The following ANKRD11 variants were observed in gnomAD, a reference collection of about 807,000 sequenced individuals.
ANKRD11 encodes the protein ankyrin repeat domain 11.
A neutral mutation model predicts 195.7 loss-of-function variants in ANKRD11; 17 were observed. That is an observed-to-expected ratio of 0.09 (90% confidence interval 0.06 to 0.13). ANKRD11 has a LOEUF of 0.13. Among genes scored for constraint, ANKRD11 ranks in the 10% least tolerant of loss-of-function variants. ANKRD11 has a pLI of 1.00. For synonymous variants in ANKRD11, 1,953 were observed against 1,528.1 expected (o/e 1.28, Z -6.49); for missense variants, 3,735 against 3,566.1 (o/e 1.05, Z -1.21).
At chr16:89,388,456 G>A (rs2041025871) in intron 2 of ANKRD11, among the ~76,000 whole-genome samples, 2 of 151,968 alleles carry the variant, frequency 1.3e-5, no homozygotes, top group South Asian at 2.1e-4. Context: ...TTAATGTCTT[G>A]AAAATCGACA....
intron 1 of ANKRD11, among the ~76,000 whole-genome samples, chr16:89,488,270 T>A (rs1017989454): frequency 6.6e-5 from 10 of 152,106 alleles, no homozygotes; most frequent in African/African-American, 2.2e-4. Flanking sequence ...TTGGTCTTTG[T>A]TCCCTCCCAT....
At chr16:89,474,150 A>G (rs1345618715) in intron 1 of ANKRD11, among the ~76,000 whole-genome samples, 6 of 152,178 alleles carry the variant, frequency 3.9e-5, no homozygotes. Flanking sequence ...GCTCAAAAGC[A>G]CACCATCCCC....
chr16:89,309,490 GT>G (rs1157835725), intron 3 of ANKRD11, among the ~76,000 whole-genome samples: 1 of 152,346 alleles, frequency 6.6e-6, no homozygotes, highest in East Asian at 1.9e-4. Flanking sequence ...TCTATCTATA[GT>G]TCACTTTAAA....
intron 2 of ANKRD11, chr16:89,323,098 G>C (rs2037435991): frequency 3.2e-6 from 1 of 316,518 alleles, no homozygotes; most frequent in African/African-American, 2.3e-5. Flanking sequence ...GCCTTTTCCA[G>C]CTGAGCCCTG....
rs768122420 is a variant in ANKRD11, at chr16:89,280,411, A to G, written c.6131T>C (p.Val2044Ala). 3.2e-6 allele frequency: 5 copies of G among 1,560,300 alleles called. No individual in the cohort carries two copies. In the East Asian group the frequency reaches 9.1e-5, roughly 28 times the overall value. Residue 2044 changes from valine to alanine, a missense_variant, in exon 9 of 13, where the codon GTC becomes GCC. Transcript: ENST00000301030. ...LEDVKDGVDA[V>A]PAAISTSEAA... is the part of the protein sequence containing the mutation. ...CTCTGAGGTGGAGATGGCGGCGGGG[A>G]CGGCGTCCACTCCGTCCTTGACGTC...
At chr16:89,369,350 T>C (rs1348208348) in intron 2 of ANKRD11, among the ~76,000 whole-genome samples, 1 of 152,076 alleles carries the variant, frequency 6.6e-6, no homozygotes, top group East Asian at 1.9e-4. Context: ...ACCATTCAGG[T>C]GTCCATCAGC....
At chr16:89,278,549 A>T (rs1333720248) in intron 9 of ANKRD11, 1 of 456,864 alleles carries the variant, frequency 2.2e-6, no homozygotes, top group South Asian at 1.5e-5. Flanking sequence ...GAACAAGGTG[A>T]GGCTGGGGGC....
intron 1 of ANKRD11, among the ~76,000 whole-genome samples, chr16:89,443,982 A>G (rs1423981247): frequency 6.6e-6 from 1 of 152,216 alleles, no homozygotes; most frequent in African/African-American, 2.4e-5. Context: ...GTCAGGCTGA[A>G]CAGGGAGGCA....
At chr16:89,292,088 C>G (rs1312142984) in intron 4 of ANKRD11, among the ~76,000 whole-genome samples, 5 of 152,168 alleles carry the variant, frequency 3.3e-5, no homozygotes, top group South Asian at 2.1e-4. Context: ...CCTGCGGGTT[C>G]TGGGGTTTTC....
chr16:89,478,662 C>T (rs1282338998), intron 1 of ANKRD11, among the ~76,000 whole-genome samples: 1 of 152,250 alleles, frequency 6.6e-6, no homozygotes, highest in East Asian at 1.9e-4. Flanking sequence ...CTCCAGCAGC[C>T]GGCTACGCGC....
rs962281860 is a variant in ANKRD11 at position 89,328,591 on chromosome 16, G to A, written c.-59-11513C>T. Among the ~76,000 whole-genome samples, 9 of 151,902 alleles carry A rather than the reference G, an allele frequency of 5.9e-5. No individual in the cohort carries two copies. In the South Asian group the frequency reaches 1.9e-3, roughly 32 times the overall value. ...AGTGAGTGGACACACCCAGGCGTACGGGTGAATCTGCAGAGGCCCCTGCTG... is the reference window on the plus strand; with the variant it reads ...AGTGAGTGGACACACCCAGGCGTACAGGTGAATCTGCAGAGGCCCCTGCTG... On this transcript the variant is annotated intron_variant, in intron 2 of 12. Transcript: ENST00000301030.
At chr16:89,380,288 T>C (rs2040589222) in intron 2 of ANKRD11, among the ~76,000 whole-genome samples, 1 of 152,136 alleles carries the variant, frequency 6.6e-6, no homozygotes, top group Non-Finnish European at 1.5e-5. Context: ...AATTCTGTAT[T>C]TTTAGTAGAG....
At chr16:89,334,169 A>AAAAAAC (rs2038221625) in intron 2 of ANKRD11, among the ~76,000 whole-genome samples, 1 of 107,292 alleles carries the variant, frequency 9.3e-6, no homozygotes, top group Non-Finnish European at 1.9e-5. Context: ...AAAAAAAAAA[A>AAAAAAC]AAAACAGAGA....
In ANKRD11 at chr16:89,406,101, T is replaced by G. The variant is rs148150028; in HGVS notation, c.-60+12183A>C. On this transcript the variant is annotated intron_variant, in intron 2 of 12. Transcript: ENST00000301030. ...CTCCAGCCTGGGTGACAAAGGGAGA[T>G]TCCATCTCAAAAAAAAAAAAAAAAA... is the stretch of plus-strand genomic sequence containing the variant. Among the ~76,000 whole-genome samples the G allele has an allele frequency of 7.6e-3, 1,074 of 141,020 alleles. 12 individuals are homozygous for G. The highest frequency in any genetic ancestry group is 0.028 in the African/African-American group (1,037 of 36,690). 92.5% of individuals were successfully genotyped at this position (141,020 alleles called of 152,430 possible). A position where few individuals can be genotyped will look rare whatever the true frequency, so the allele number is the denominator to read the frequency against.
chr16:89,467,244 C>G (rs1311022430), intron 1 of ANKRD11, among the ~76,000 whole-genome samples: 1 of 144,362 alleles, frequency 6.9e-6, no homozygotes, highest in Non-Finnish European at 1.5e-5. Context: ...TGGGCCAGGG[C>G]AACATGGCTA....
chr16:89,335,390 T>C (rs1450237511), intron 2 of ANKRD11, among the ~76,000 whole-genome samples: 1 of 152,116 alleles, frequency 6.6e-6, no homozygotes, highest in Admixed American at 6.5e-5. Context: ...CCCAGAAGCA[T>C]GGGAGCAGCT....
chr16:89,324,291 C>T (rs564253552), intron 2 of ANKRD11: 26 of 1,258,904 alleles, frequency 2.1e-5, no homozygotes, highest in African/African-American at 9.2e-5. Context: ...CTCCGGAACA[C>T]GGACCACCCG....
intron 2 of ANKRD11, among the ~76,000 whole-genome samples, chr16:89,359,535 G>A (rs1410034494): frequency 1.3e-5 from 2 of 152,162 alleles, no homozygotes; most frequent in African/African-American, 2.4e-5. Context: ...TCCTTGTTCC[G>A]GCCCTGCAGT....
chr16:89,369,335 C>G (rs2040091525), intron 2 of ANKRD11, among the ~76,000 whole-genome samples: 1 of 152,228 alleles, frequency 6.6e-6, no homozygotes, highest in Non-Finnish European at 1.5e-5. Context: ...AAGGGCCAAA[C>G]AGAGACCATT....
Sources: allele counts gnomAD v4.1 joint callset (sites outside exome capture counted in the v4.1 genomes callset), GRCh38; gene constraint gnomAD v4.1.1; transcripts MANE v1.5; gene names NCBI Gene and HGNC (gene_info 2026-07-23, HGNC 2026-07-21).